Variants in SAFB observed in about 807,000 individuals in gnomAD.
SAFB encodes scaffold attachment factor B.
In SAFB, 15 loss-of-function variants were observed where a neutral mutation model predicts 101.6. That is an observed-to-expected ratio of 0.15 (90% CI 0.10 to 0.23). The LOEUF is 0.23. Among genes scored for constraint, SAFB ranks in the 10% least tolerant of loss-of-function variants. The pLI, the probability that SAFB is intolerant of heterozygous loss-of-function variation, is 1.00. For missense variants in SAFB, 930 were observed against 1,104.1 expected (o/e 0.84, Z 2.23); for synonymous variants, 449 against 407.5 (o/e 1.10, Z -1.23).
In SAFB at chr19:5,664,284, G is replaced by T. The variant is rs915024723; in HGVS notation, c.2292-113G>T. ...AGATGTATGCTGAGTCAGACCCGCA[G>T]GTCTCCTGCCTTCAGTTAGGGAAAT... is the stretch of plus-strand genomic sequence containing the variant. On this transcript the variant is annotated intron_variant, in intron 16 of 20. Transcript: ENST00000588852. 5 of 1,434,172 alleles carry T rather than the reference G, an allele frequency of 3.5e-6. No homozygotes were observed. In the African/African-American group the frequency reaches 4.2e-5, roughly 12 times the overall value. The allele number at this position is 1,434,172 out of a possible 1,614,324, so 88.8% of individuals were successfully genotyped here.
At chr19:5,665,090 C>T (rs1363589326) in intron 17 of SAFB, 1 of 152,342 alleles carries the variant, frequency 6.6e-6, no homozygotes, top group Non-Finnish European at 1.5e-5. Context: ...CTCATGAGCC[C>T]TTCCTCCTCC....
chr19:5,664,228 T>C, intron 16 of SAFB, 69 bp downstream of exon 16: 1 of 1,550,242 alleles, frequency 6.5e-7, no homozygotes, highest in South Asian at 1.1e-5. Flanking sequence ...GAACAAGGAC[T>C]CCTGGGCTCT....
In SAFB at chr19:5,626,888, A is replaced by C. The variant is rs534376340; in HGVS notation, c.274+399A>C. Reference sequence around the variant, plus strand: ...TAGCAAAACCCAGCTCTACAAAAAAACTTTTAAAGGCCCGGTGTGGTGGCA... The same window carrying C: ...TAGCAAAACCCAGCTCTACAAAAAACCTTTTAAAGGCCCGGTGTGGTGGCA... On this transcript the variant is annotated intron_variant, in intron 2 of 20. Coordinates refer to ENST00000588852, the MANE Select transcript of SAFB (RefSeq NM_001201338.2). 2.0e-5 allele frequency among the ~76,000 whole-genome samples: 3 copies of C among 151,924 alleles called. No homozygotes were observed. The East Asian group carries it at 5.9e-4, about 30-fold the overall frequency.
chr19:5,630,754 CA>C (rs1027303210), intron 2 of SAFB, among the ~76,000 whole-genome samples: 89 of 78,948 alleles, frequency 1.1e-3, no homozygotes, highest in Admixed American at 1.0e-3. Context: ...AGCTTCGTCT[CA>C]AAAAAAAAAA....
At position 5,655,618 on chromosome 19, in the gene SAFB, G is replaced by A. The variant is rs182591955; in HGVS notation, c.1755+1162G>A. Among the ~76,000 whole-genome samples, 15 of 152,256 alleles carry A rather than the reference G, an allele frequency of 9.9e-5. 1 individual carries two copies. The highest frequency in any genetic ancestry group is 9.2e-4 in the Admixed American group (14 of 15,288). ...TGGCAGCAGCCCCTCCTTAAGGAAG[G>A]AGAGGGACCTTGGACCCGCCTGGTC... On this transcript the variant is annotated intron_variant, in intron 13 of 20. Transcript: ENST00000588852.
Position 5,667,815 on chromosome 19 carries a change from T to G in SAFB, c.2558-5T>G, listed in dbSNP as rs2054368639. The G allele has an allele frequency of 6.2e-7, 1 of 1,614,018 alleles. No homozygotes were observed. Among genetic ancestry groups the G allele is most frequent in the Non-Finnish European group, 8.5e-7 (1 of 1,179,938 alleles). ...TCCCTGTGTGAAAGCACGTCTGTCT[T>G]CCAGGTGGCGAGAGAAGCATGTCCG... On this transcript the variant is annotated splice_region_variant and splice_polypyrimidine_tract_variant and intron_variant, in intron 19 of 20. Coordinates refer to ENST00000588852, the MANE Select transcript of SAFB (RefSeq NM_001201338.2). The surrounding 1 kb of genome is among the most constrained non-coding windows in gnomAD (Gnocchi z 4.0).
chr19:5,651,403 A>T (rs2053935569), intron 9 of SAFB, among the ~76,000 whole-genome samples: 1 of 152,042 alleles, frequency 6.6e-6, no homozygotes, highest in African/African-American at 2.4e-5. Context: ...CATGTCTGGG[A>T]GACAGCAGTG....
intron 12 of SAFB, 32 bp from the exon 13 acceptor site, chr19:5,654,336 T>C (rs2054006832): frequency 6.3e-7 from 1 of 1,598,830 alleles, no homozygotes; most frequent in Non-Finnish European, 8.6e-7. Context: ...ATTCTTGGTT[T>C]TCCACTTACA....
chr19:5,638,051 A>T (rs143265291), intron 2 of SAFB, among the ~76,000 whole-genome samples: 1 of 152,080 alleles, frequency 6.6e-6, no homozygotes, highest in South Asian at 2.1e-4. Flanking sequence ...ACATTTTTCT[A>T]TTCTCTACTC....
rs76836312 is a variant in SAFB, at chr19:5,668,165, C to A, written c.2628C>A (p.Arg876=). The part of the protein sequence containing the change: ...HMMNRGGMSG[R]GSFAPGGASR... ...ACCAATGTGAATTTGTTCCTAGGCGCGGCAGCTTTGCCCCAGGCGGGGCCT... is the reference window on the plus strand; with the variant it reads ...ACCAATGTGAATTTGTTCCTAGGCGAGGCAGCTTTGCCCCAGGCGGGGCCT... The change falls in exon 21 of 21, where the codon CGC becomes CGA. Residue 876 remains arginine, a synonymous_variant. Coordinates refer to ENST00000588852, the MANE Select transcript of SAFB (RefSeq NM_001201338.2). The A allele has an allele frequency of 8.8e-5, 142 of 1,606,966 alleles. No individual in the cohort carries two copies. Among genetic ancestry groups the A allele is most frequent in the Non-Finnish European group, 1.4e-5 (16 of 1,177,546 alleles).
At chr19:5,632,767 T>G (rs775670520) in intron 2 of SAFB, among the ~76,000 whole-genome samples, 16 of 152,220 alleles carry the variant, frequency 1.1e-4, no homozygotes, top group Non-Finnish European at 1.8e-4. Flanking sequence ...AAACCGGGTC[T>G]TGCCCTGTTA....
intron 17 of SAFB, chr19:5,665,010 AG>A (rs2054296846): frequency 6.5e-6 from 1 of 153,828 alleles, no homozygotes; most frequent in African/African-American, 2.4e-5. Flanking sequence ...TTGGACCTCT[AG>A]TGGCTTTCCC....
Position 5,667,160 on chromosome 19 carries a change from C to A in SAFB, c.2449C>A (p.Pro817Thr). The change falls in exon 18 of 21, where the codon CCC (proline) becomes ACC (threonine). Residue 817 changes from proline to threonine, a missense_variant. Transcript: ENST00000588852. The surrounding 1 kb of genome is among the most constrained non-coding windows in gnomAD (Gnocchi z 4.0). ...CGAGGGCCGGGGGCTGCCTCCTCCCCCCAGGTTTGTGTCCCACACCCGACA... is the reference window on the plus strand; with the variant it reads ...CGAGGGCCGGGGGCTGCCTCCTCCCACCAGGTTTGTGTCCCACACCCGACA... ...MSEGRGLPPPPRGRRDWGDHG... is the reference protein window; with the variant it reads ...MSEGRGLPPPTRGRRDWGDHG... 6.3e-7 allele frequency: 1 copy of A among 1,585,884 alleles called. No homozygotes were observed. Among genetic ancestry groups the A allele is most frequent in the Middle Eastern group, 1.7e-4 (1 of 5,998 alleles).
chr19:5,660,726 A>C lies in SAFB; in HGVS notation c.1863-792A>C, dbSNP rs752574302. Among the ~76,000 whole-genome samples the C allele has an allele frequency of 2.6e-3, 386 of 148,524 alleles. 1 individual carries two copies. Among genetic ancestry groups the C allele is most frequent in the Non-Finnish European group, 3.5e-3 (236 of 67,330 alleles). ...TACCAAAAAAAAAAAAAAAAAAAAA[A>C]AAGACAGCCTGGCTCCTGTCTGTTC... On this transcript the variant is annotated intron_variant, in intron 14 of 20. Coordinates refer to ENST00000588852, the MANE Select transcript of SAFB (RefSeq NM_001201338.2).
At chr19:5,623,430 G>A in intron 1 of SAFB, 36 bp downstream of exon 1, 1 of 1,571,020 alleles carries the variant, frequency 6.4e-7, no homozygotes, top group Non-Finnish European at 8.7e-7. Flanking sequence ...CACAGGGTGG[G>A]TCTGGGGTCC....
Position 5,667,446 on chromosome 19 carries a change from G to T in SAFB, c.2553G>T (p.Trp851Cys). 6.6e-7 allele frequency: 1 copy of T among 1,517,080 alleles called. No individual in the cohort carries two copies. Among genetic ancestry groups the T allele is most frequent in the Non-Finnish European group, 8.8e-7 (1 of 1,136,164 alleles). The allele number at this position is 1,517,080 out of a possible 1,614,324, so 94.0% of individuals were successfully genotyped here. A position where few individuals can be genotyped will look rare whatever the true frequency, so the allele number is the denominator to read the frequency against. Residue 851 changes from tryptophan to cysteine, a missense_variant, in exon 19 of 21, where the codon TGG becomes TGT. Trp to Cys is a radical substitution (Grantham distance 215, BLOSUM62 -2). Coordinates refer to ENST00000588852, the MANE Select transcript of SAFB (RefSeq NM_001201338.2). This position sits in a 1 kb window ranked among gnomAD's most constrained non-coding sequence, Gnocchi z 4.0. ...TGATGGACAGGGATCACAAGAGGTG[G>T]CAAGGTGAGGAGCAGCTCTGGGCTG... ...GGMMDRDHKRWQGGERSMSGH... is the reference protein window; with the variant it reads ...GGMMDRDHKRCQGGERSMSGH...
intron 14 of SAFB, among the ~76,000 whole-genome samples, chr19:5,658,466 G>A (rs779748588): frequency 5.3e-5 from 8 of 152,240 alleles, no homozygotes; most frequent in Non-Finnish European, 1.2e-4. Flanking sequence ...GCCGAGGCTG[G>A]TGGATCACCT....
chr19:5,624,967 A>C (rs1004974247), intron 1 of SAFB, among the ~76,000 whole-genome samples: 16 of 152,234 alleles, frequency 1.1e-4, no homozygotes, highest in Non-Finnish European at 2.1e-4. Context: ...TTCTCCCTGG[A>C]CGGTCCATAG....
chr19:5,629,234 A>G (rs1458732360), intron 2 of SAFB, among the ~76,000 whole-genome samples: 1 of 152,224 alleles, frequency 6.6e-6, no homozygotes, highest in East Asian at 1.9e-4. Context: ...CCTGGGTTAC[A>G]GAGCAAGACC....
Sources: gnomAD v4.1 joint callset for allele counts (sites outside exome capture counted in the v4.1 genomes callset) on GRCh38, gnomAD v4.1.1 for gene constraint, Gnocchi (gnomAD v3.1) non-coding constraint, MANE v1.5 for transcripts, NCBI Gene and HGNC (gene_info 2026-07-23, HGNC 2026-07-21) for gene names.